The following NOTCH1 variants were observed in gnomAD, a reference collection of about 807,000 sequenced individuals.
The protein encoded by NOTCH1 is notch receptor 1.
NOTCH1 carries 37 observed loss-of-function variants against 254.8 expected under a neutral mutation model. The observed-to-expected ratio is 0.15, with a 90% CI of 0.11 to 0.19. The LOEUF (loss-of-function observed/expected upper bound fraction) is 0.19, where lower values mean the gene tolerates loss of function less well. NOTCH1 is among the 10% of genes least tolerant of loss of function. The probability of loss-of-function intolerance (pLI) is 1.00; values close to 1 mark genes in which losing one functional copy is unlikely to be tolerated. For synonymous variants in NOTCH1, 1,731 were observed against 1,618.1 expected (o/e 1.07, Z -1.68); for missense variants, 2,972 against 3,708.6 (o/e 0.80, Z 5.16).
In NOTCH1 at chr9:136,497,083, A is replaced by G; in HGVS notation, c.6656T>C (p.Leu2219Pro). ...YLSDVASPPL[L>P]PSPFQQSPSV... ...CGGAGACTGCTGGAACGGGGAGGGCAGCAGTGGCGGCGAGGCCACGTCTGA... is the reference window on the plus strand; with the variant it reads ...CGGAGACTGCTGGAACGGGGAGGGCGGCAGTGGCGGCGAGGCCACGTCTGA... Residue 2219 changes from leucine (L) to proline (P), a missense_variant, in exon 34 of 34, where the codon CTG becomes CCG. Around this residue, in one of 8 missense-constraint regions of NOTCH1, gnomAD observed 529 missense variants for 529.2 expected, o/e 1.00. Transcript: ENST00000651671. 6.2e-7 allele frequency: 1 copy of G among 1,609,994 alleles called. No individual in the cohort carries two copies. Among genetic ancestry groups the G allele is most frequent in the Non-Finnish European group, 8.5e-7 (1 of 1,178,130 alleles).
At chr9:136,531,012 C>T (rs979060236) in intron 2 of NOTCH1, among the ~76,000 whole-genome samples, 1 of 152,250 alleles carries the variant, frequency 6.6e-6, no homozygotes, top group Non-Finnish European at 1.5e-5. Flanking sequence ...AGGGGCTCCC[C>T]GGAGGGGCTC....
chr9:136,541,675 G>T (rs1264538577), intron 2 of NOTCH1, among the ~76,000 whole-genome samples: 1 of 152,220 alleles, frequency 6.6e-6, no homozygotes, highest in Non-Finnish European at 1.5e-5. Flanking sequence ...TGTATGTTGG[G>T]TGGGGCTCAA....
chr9:136,527,274 A>G (rs1024258482), intron 2 of NOTCH1, among the ~76,000 whole-genome samples: 1 of 152,226 alleles, frequency 6.6e-6, no homozygotes, highest in African/African-American at 2.4e-5. Context: ...GAGGGACCTC[A>G]GGCCTGCAGC....
intron 2 of NOTCH1, among the ~76,000 whole-genome samples, chr9:136,529,769 C>T (rs1843528828): frequency 6.6e-6 from 1 of 152,264 alleles, no homozygotes; most frequent in Non-Finnish European, 1.5e-5. Flanking sequence ...CTCCCGGCTT[C>T]CTTCCCCATC....
rs1372302058 is a variant in NOTCH1 at position 136,523,742 on chromosome 9, C to T, written c.378G>A (p.Lys126=). The part of the protein sequence containing the change: ...TCDLLTLTEY[K]CRCPPGWSGK... Reference sequence around the variant, plus strand: ...CTGACCAGCCGGGCGGGCAGCGGCACTTGTACTCCGTCAGCGTGAGCAGGT... The same window carrying T: ...CTGACCAGCCGGGCGGGCAGCGGCATTTGTACTCCGTCAGCGTGAGCAGGT... Residue 126 remains lysine (K), a synonymous_variant, in exon 3 of 34, where the codon AAG becomes AAA. Transcript: ENST00000651671. 1.9e-6 allele frequency: 3 copies of T among 1,610,174 alleles called. No individual in the cohort carries two copies. Among genetic ancestry groups the T allele is most frequent in the Non-Finnish European group, 1.7e-6 (2 of 1,179,306 alleles).
At position 136,508,214 on chromosome 9, in the gene NOTCH1, G is replaced by C. The variant is rs762473735; in HGVS notation, c.3325+18C>G. The C allele has an allele frequency of 1.9e-6, 3 of 1,609,860 alleles. No homozygotes were observed. In the South Asian group the frequency reaches 3.3e-5, roughly 18 times the overall value. On this transcript the variant is annotated intron_variant, in intron 20 of 33. Coordinates refer to ENST00000651671, the MANE Select transcript of NOTCH1 (RefSeq NM_017617.5). ...CTTGATGGGCTGGGACCCGAGCTGG[G>C]TGGGCACAGCAGGTTACCTTGTCGC... is the stretch of plus-strand genomic sequence containing the variant.
At chr9:136,518,849 C>T in intron 5 of NOTCH1, 25 bp from the exon 6 acceptor site, 1 of 1,599,842 alleles carries the variant, frequency 6.3e-7, no homozygotes, top group Non-Finnish European at 8.6e-7. Flanking sequence ...AGCTGTCGGC[C>T]CCGGGCAGCT....
At chr9:136,517,182 C>CG in intron 9 of NOTCH1, 90 bp downstream of exon 9, 1 of 830,698 alleles carries the variant, frequency 1.2e-6, no homozygotes. Context: ...GCAGATGGCC[C>CG]GGGGGCAGGG....
Position 136,501,911 on chromosome 9 carries a change from G to A in NOTCH1, c.5475C>T (p.Phe1825=), listed in dbSNP as rs778371465. ...DEDLETKKFR[F]EEPVVLPDLD... ...GGTCAGGCAGAACCACGGGCTCCTC[G>A]AACTACATAGAGGGAGTGAGCAGAG... Residue 1825 remains phenylalanine, a splice_region_variant and synonymous_variant, in exon 30 of 34, where the codon TTC becomes TTT. Coordinates refer to ENST00000651671, the MANE Select transcript of NOTCH1 (RefSeq NM_017617.5). 17 of 1,611,498 alleles carry A rather than the reference G, an allele frequency of 1.1e-5. No individual in the cohort carries two copies. In the Admixed American group the frequency reaches 1.2e-4, roughly 11 times the overall value.
At chr9:136,527,734 C>T (rs1843487910) in intron 2 of NOTCH1, among the ~76,000 whole-genome samples, 1 of 152,356 alleles carries the variant, frequency 6.6e-6, no homozygotes, top group South Asian at 2.1e-4. Flanking sequence ...CACCCGGCAC[C>T]TGCCTGTCCC....
Position 136,506,022 on chromosome 9 carries a change from A to G in NOTCH1, c.4015-141T>C, listed in dbSNP as rs1843079690. 4 of 705,364 alleles carry G rather than the reference A, an allele frequency of 5.7e-6. No individual in the cohort carries two copies. In the African/African-American group the frequency reaches 7.2e-5, roughly 13 times the overall value. The allele number at this position is 705,364 out of a possible 1,614,324, so 43.7% of individuals were successfully genotyped here. A position where few individuals can be genotyped will look rare whatever the true frequency, so the allele number is the denominator to read the frequency against. On this transcript the variant is annotated intron_variant, in intron 24 of 33. Transcript: ENST00000651671. This position sits in a 1 kb window ranked among gnomAD's most constrained non-coding sequence, Gnocchi z 4.5. The stretch of plus-strand genomic sequence containing the variant: ...CCTGCAACCTTGCCCCCAGCAGCAA[A>G]ACCCTTTACACACATTCTACCAACA...
Position 136,514,670 on chromosome 9 carries a change from C to T in NOTCH1, c.2047G>A (p.Ala683Thr), listed in dbSNP as rs756434709. 22 of 1,612,356 alleles carry T rather than the reference C, an allele frequency of 1.4e-5. No individual in the cohort carries two copies. The highest frequency in any genetic ancestry group is 1.9e-5 in the Non-Finnish European group (22 of 1,179,878). ...CCCCCGTTGTGGCAGGGGTTGCCCG[C>T]ACACTCATCGATGTTGATGTTACAC... Reference protein sequence around the residue: ...SMCNINIDECAGNPCHNGGTC... With the variant: ...SMCNINIDECTGNPCHNGGTC... Residue 683 changes from alanine (A) to threonine (T), a missense_variant, in exon 13 of 34, where the codon GCG becomes ACG. Physicochemically the swap from Ala to Thr is moderately conservative, Grantham distance 58 (BLOSUM62 0). Around this residue, in one of 8 missense-constraint regions of NOTCH1, gnomAD observed 1,343 missense variants for 1,557.0 expected, o/e 0.86. Coordinates refer to ENST00000651671, the MANE Select transcript of NOTCH1 (RefSeq NM_017617.5).
intron 30 of NOTCH1, 30 bp from the exon 31 acceptor site, chr9:136,500,877 G>A (rs2133327002): frequency 6.4e-7 from 1 of 1,558,332 alleles, no homozygotes; most frequent in Non-Finnish European, 8.6e-7. Flanking sequence ...TGCTCAGTCT[G>A]GAGGGCCGGT....
Position 136,513,183 on chromosome 9 carries a change from T to C in NOTCH1, c.2354-49A>G, listed in dbSNP as rs1256031750. 4 of 1,529,800 alleles carry C rather than the reference T, an allele frequency of 2.6e-6. No homozygotes were observed. The highest frequency in any genetic ancestry group is 2.7e-5 in the African/African-American group (2 of 73,084). 94.8% of individuals were successfully genotyped at this position (1,529,800 alleles called of 1,614,324 possible). A position where few individuals can be genotyped will look rare whatever the true frequency, so the allele number is the denominator to read the frequency against. The stretch of plus-strand genomic sequence containing the variant: ...GGCATGTCCAGCACTCCCAGGCACC[T>C]TGGCAGGGCCCCACAACAGCAGCCC... On this transcript the variant is annotated intron_variant, in intron 14 of 33. Coordinates refer to ENST00000651671, the MANE Select transcript of NOTCH1 (RefSeq NM_017617.5). This position sits in a 1 kb window ranked among gnomAD's most constrained non-coding sequence, Gnocchi z 4.7.
Position 136,518,799 on chromosome 9 carries a change from G to A in NOTCH1, c.891C>T (p.Asp297=), listed in dbSNP as rs370261688. Residue 297 remains aspartate (D), a synonymous_variant, in exon 6 of 34, where the codon GAC becomes GAT. Transcript: ENST00000651671. ...WTGQYCTEDV[D]ECQLMPNACQ... ...AGGCATTTGGCATCAGCTGGCACTC[G>A]TCCACATCCTCGGTACAGTACTGAC... The A allele has an allele frequency of 5.3e-5, 86 of 1,612,684 alleles. No homozygotes were observed. The highest frequency in any genetic ancestry group is 6.9e-5 in the Non-Finnish European group (81 of 1,179,978).
In NOTCH1 at chr9:136,495,885, G is replaced by C; in HGVS notation, c.*186C>G. On this transcript the variant is annotated 3_prime_UTR_variant, in exon 34 of 34. Coordinates refer to ENST00000651671, the MANE Select transcript of NOTCH1 (RefSeq NM_017617.5). ...ATAAAACAGTACATATAAATAAAAA[G>C]GCAGTGTTTCTGTGTAAAATAAAAG... 1 of 638,268 alleles carries C rather than the reference G, an allele frequency of 1.6e-6. No individual in the cohort carries two copies. Among genetic ancestry groups the C allele is most frequent in the South Asian group, 2.4e-5 (1 of 42,098 alleles). 39.5% of individuals were successfully genotyped at this position (638,268 alleles called of 1,614,324 possible).
Position 136,523,184 on chromosome 9 carries a change from T to C in NOTCH1, c.408A>G (p.Lys136=), listed in dbSNP as rs769259782. The C allele has an allele frequency of 1.0e-5, 16 of 1,600,344 alleles. No homozygotes were observed. In the Admixed American group the frequency reaches 2.7e-4, roughly 27 times the overall value. ...CGCACGGGTCAGCCTGCTGGCACGA[T>C]TTCCCTGGAGACAAGGGGACAAGAG... ...KCRCPPGWSG[K]SCQQADPCAS... Residue 136 remains lysine (K), a synonymous_variant, in exon 4 of 34, where the codon AAA becomes AAG. Coordinates refer to ENST00000651671, the MANE Select transcript of NOTCH1 (RefSeq NM_017617.5).
intron 27 of NOTCH1, 91 bp downstream of exon 27, chr9:136,503,091 G>T: frequency 6.4e-7 from 1 of 1,571,104 alleles, no homozygotes. Flanking sequence ...CCCGTGGGTA[G>T]CAACTGGCAC....
rs1176414490 is a variant in NOTCH1, at chr9:136,504,617, C to T, written c.5018+56G>A. 15 of 1,447,330 alleles carry T rather than the reference C, an allele frequency of 1.0e-5. No homozygotes were observed. The African/African-American group carries it at 1.3e-4, about 12-fold the overall frequency. The allele number at this position is 1,447,330 out of a possible 1,614,324, so 89.7% of individuals were successfully genotyped here. A position where few individuals can be genotyped will look rare whatever the true frequency, so the allele number is the denominator to read the frequency against. On this transcript the variant is annotated intron_variant, in intron 26 of 33. Transcript: ENST00000651671. Reference sequence around the variant, plus strand: ...CGGCCGTGAGGGGCAGGGAGGCCGTCGGGGAGGGCCCAGGAGAGTTGCGGG... The same window carrying T: ...CGGCCGTGAGGGGCAGGGAGGCCGTTGGGGAGGGCCCAGGAGAGTTGCGGG...
Sources: allele counts gnomAD v4.1 joint callset (sites outside exome capture counted in the v4.1 genomes callset), GRCh38; gene constraint gnomAD v4.1.1; regional missense constraint gnomAD v4.1.1; non-coding constraint Gnocchi (gnomAD v3.1); transcripts MANE v1.5; gene names NCBI Gene and HGNC (gene_info 2026-07-23, HGNC 2026-07-21).